BACH2: variants seen among roughly 807,000 people sequenced by gnomAD.
BACH2 encodes transcription regulator protein BACH2.
BACH2 carries 5 observed loss-of-function variants against 61.8 expected under a neutral mutation model. The ratio of observed to expected loss-of-function variants is 0.08; its 90% CI spans 0.04 to 0.17. BACH2 has a LOEUF of 0.17. Ranked by LOEUF, BACH2 falls within the 10% of genes least tolerant of loss-of-function variation. BACH2 has a pLI of 1.00. For synonymous variants in BACH2, 446 were observed against 440.1 expected, an observed-to-expected ratio of 1.01 and a Z score of -0.17; for missense variants, 824 against 1,091.1, an observed-to-expected ratio of 0.76 and a Z score of 3.45.
At chr6:90,127,746 G>T (rs1783916286) in intron 4 of BACH2, among the ~76,000 whole-genome samples, 1 of 152,184 alleles carries the variant, frequency 6.6e-6, no homozygotes. Flanking sequence ...AGACTCTTTG[G>T]CTCAGCTCGG....
chr6:90,259,508 T>C (rs1771090507), intron 2 of BACH2, among the ~76,000 whole-genome samples: 1 of 152,252 alleles, frequency 6.6e-6, no homozygotes, highest in South Asian at 2.1e-4. Context: ...CCAATATTCA[T>C]CAGAGAAATT....
At chr6:89,992,985 T>C (rs1181352472) in intron 6 of BACH2, among the ~76,000 whole-genome samples, 2 of 152,172 alleles carry the variant, frequency 1.3e-5, no homozygotes, top group East Asian at 3.9e-4. Context: ...ATAGAAGTGA[T>C]GTCCTTATAA....
chr6:90,295,949 A>G (rs1772351522), intron 1 of BACH2, among the ~76,000 whole-genome samples: 2 of 152,088 alleles, frequency 1.3e-5, no homozygotes, highest in South Asian at 2.1e-4. Context: ...CGCCGCGGCC[A>G]AGGTCCTCGC....
At chr6:89,936,348 C>T (rs1773020232) in intron 8 of BACH2, among the ~76,000 whole-genome samples, 1 of 152,138 alleles carries the variant, frequency 6.6e-6, no homozygotes, top group Admixed American at 6.5e-5. Context: ...TGCTATATTG[C>T]CCAGGCTAGT....
intron 6 of BACH2, among the ~76,000 whole-genome samples, chr6:89,967,571 A>G (rs910983288): frequency 2.0e-5 from 3 of 152,220 alleles, no homozygotes; most frequent in Non-Finnish European, 4.4e-5. Flanking sequence ...CATAGAGCTC[A>G]TCCACAGTAG....
At chr6:90,060,806 T>C (rs545429740) in intron 5 of BACH2, among the ~76,000 whole-genome samples, 34 of 152,264 alleles carry the variant, frequency 2.2e-4, no homozygotes, top group Non-Finnish European at 4.1e-4. Flanking sequence ...GGCTATTTTA[T>C]CTCCCTTCTA....
At position 89,932,593 on chromosome 6, in the gene BACH2, AG is replaced by A; in HGVS notation, c.2340del (p.Trp781GlyfsTer16). On this transcript the variant is annotated frameshift_variant, in exon 9 of 9. Transcript: ENST00000257749. LOFTEE classifies it high-confidence loss of function. ...TTCTCGGAGGTGTTGCTGGGTGCCC[AG>A]GGGGGTCCGGGGGGAGCCGCGCCTG... ...LEPGAAPPGPPWAPSNTSENC... is the reference protein window; with the variant it reads ...LEPGAAPPGPXWAPSNTSENC... The A allele has an allele frequency of 6.2e-7, 1 of 1,613,820 alleles. No individual in the cohort carries two copies. The highest frequency in any genetic ancestry group is 8.5e-7 in the Non-Finnish European group (1 of 1,179,950).
intron 3 of BACH2, among the ~76,000 whole-genome samples, chr6:90,226,582 G>A (rs1211453369): frequency 6.6e-6 from 1 of 152,024 alleles, no homozygotes; most frequent in Non-Finnish European, 1.5e-5. Context: ...TAAAAATAAG[G>A]GAGAATTCTG....
At chr6:90,236,955 T>C (rs1190863457) in intron 3 of BACH2, among the ~76,000 whole-genome samples, 2 of 151,990 alleles carry the variant, frequency 1.3e-5, no homozygotes. Context: ...AGAGAGTCTC[T>C]CTCTGTCGCC....
At chr6:90,152,209 A>G (rs1388724901) in intron 4 of BACH2, among the ~76,000 whole-genome samples, 1 of 152,204 alleles carries the variant, frequency 6.6e-6, no homozygotes, top group Non-Finnish European at 1.5e-5. Context: ...CCGGGCATAT[A>G]ATTTTCATGC....
intron 4 of BACH2, chr6:90,116,713 G>T: frequency 2.5e-6 from 1 of 398,116 alleles, no homozygotes; most frequent in Non-Finnish European, 4.8e-6. Context: ...GGAAGACCAG[G>T]TCCACACTTT....
At chr6:90,217,238 T>C (rs920869308) in intron 3 of BACH2, among the ~76,000 whole-genome samples, 1 of 152,206 alleles carries the variant, frequency 6.6e-6, no homozygotes, top group African/African-American at 2.4e-5. Flanking sequence ...TCTGAGTGTC[T>C]ACTATCAAAA....
At position 90,098,285 on chromosome 6, in the gene BACH2, A is replaced by AC. The variant is rs1158021801; in HGVS notation, c.-161-9177dup. ...GCAAGATTTCTTTGCCCCCCCCGCA[A>AC]CCCCCACCCTTCCCTTCTTGGTTTA... On this transcript the variant is annotated intron_variant, in intron 4 of 8. Coordinates refer to ENST00000257749, the MANE Select transcript of BACH2 (RefSeq NM_021813.4). Among the ~76,000 whole-genome samples the AC allele has an allele frequency of 9.3e-5, 14 of 151,096 alleles. 1 individual carries two copies. The East Asian group carries it at 1.4e-3, about 15-fold the overall frequency.
At chr6:90,085,097 C>G (rs1363412832) in intron 5 of BACH2, among the ~76,000 whole-genome samples, 1 of 152,140 alleles carries the variant, frequency 6.6e-6, no homozygotes, top group African/African-American at 2.4e-5. Flanking sequence ...GTGTGTTCCT[C>G]ACAGGACTAC....
At chr6:90,067,479 G>A (rs1472005295) in intron 5 of BACH2, among the ~76,000 whole-genome samples, 1 of 152,208 alleles carries the variant, frequency 6.6e-6, no homozygotes, top group Non-Finnish European at 1.5e-5. Flanking sequence ...GTGGAGGCAG[G>A]AGACACTCAT....
chr6:90,274,833 G>A (rs1400202557), intron 1 of BACH2, among the ~76,000 whole-genome samples: 1 of 152,230 alleles, frequency 6.6e-6, no homozygotes, highest in East Asian at 1.9e-4. Context: ...GGCAGCATAA[G>A]TGCATAATCT....
At chr6:90,208,284 G>A (rs1044389902) in intron 3 of BACH2, among the ~76,000 whole-genome samples, 6 of 151,884 alleles carry the variant, frequency 4.0e-5, no homozygotes, top group African/African-American at 1.4e-4. Flanking sequence ...ACAGATGGGA[G>A]AAAGTTTTTG....
In BACH2 at chr6:90,271,897, G is replaced by A. The variant is rs1461538444; in HGVS notation, c.-401C>T. On this transcript the variant is annotated 5_prime_UTR_variant, in exon 2 of 9. Transcript: ENST00000257749. ...AGCTTGGTCCCAAATGATGTCTTCAGTAGGTGGCGAAATGTTAAAACTGGG... is the reference window on the plus strand; with the variant it reads ...AGCTTGGTCCCAAATGATGTCTTCAATAGGTGGCGAAATGTTAAAACTGGG... 6.6e-6 allele frequency: 1 copy of A among 152,374 alleles called. No individual in the cohort carries two copies. The highest frequency in any genetic ancestry group is 1.5e-5 in the Non-Finnish European group (1 of 68,056). The allele number at this position is 152,374 out of a possible 1,614,324, so 9.4% of individuals were successfully genotyped here. A position where few individuals can be genotyped will look rare whatever the true frequency, so the allele number is the denominator to read the frequency against.
At chr6:90,049,337 T>C (rs1194372393) in intron 5 of BACH2, among the ~76,000 whole-genome samples, 1 of 152,176 alleles carries the variant, frequency 6.6e-6, no homozygotes, top group Non-Finnish European at 1.5e-5. Flanking sequence ...TAGGGTGCTA[T>C]GATAGGAAGT....
Sources: allele counts gnomAD v4.1 joint callset (sites outside exome capture counted in the v4.1 genomes callset), GRCh38; gene constraint gnomAD v4.1.1; transcripts MANE v1.5; gene names NCBI Gene and HGNC (gene_info 2026-07-23, HGNC 2026-07-21).